The following ACBD6 variants were observed in gnomAD, a reference collection of about 807,000 sequenced individuals.
ACBD6 encodes the protein acyl-CoA binding domain containing 6, also known as acyl-CoA-binding domain-containing protein 6.
ACBD6 carries 28 observed loss-of-function variants against 37.2 expected under a neutral mutation model. The observed-to-expected ratio is 0.75, with a 90% CI of 0.56 to 1.03. The LOEUF (loss-of-function observed/expected upper bound fraction) is 1.03, where lower values mean the gene tolerates loss of function less well. Ranked by LOEUF, ACBD6 falls within the 50% of genes least tolerant of loss-of-function variation. ACBD6 has a pLI of 0.00. For missense variants in ACBD6, 340 were observed against 337.4 expected (o/e 1.01, Z -0.06); for synonymous variants, 113 against 126.8 (o/e 0.89, Z 0.73).
At chr1:180,292,816 G>A (rs182900533) in intron 7 of ACBD6, among the ~76,000 whole-genome samples, 172 of 152,312 alleles carry the variant, frequency 1.1e-3, no homozygotes, top group African/African-American at 4.1e-3. Context: ...TAGAGGGAAA[G>A]TGTTCAGCCT....
At chr1:180,452,150 G>A (rs1343818924) in intron 3 of ACBD6, among the ~76,000 whole-genome samples, 1 of 152,066 alleles carries the variant, frequency 6.6e-6, no homozygotes, top group Non-Finnish European at 1.5e-5. Flanking sequence ...GGAGAAAGCG[G>A]GTAAGATCTA....
rs559446132 is a variant in ACBD6 at position 180,378,395 on chromosome 1, T to C, written c.663+19121A>G. 2.0e-4 allele frequency among the ~76,000 whole-genome samples: 30 copies of C among 152,334 alleles called. No individual in the cohort carries two copies. The South Asian group carries it at 5.4e-3, about 27-fold the overall frequency. On this transcript the variant is annotated intron_variant, in intron 6 of 7. Coordinates refer to ENST00000367595, the MANE Select transcript of ACBD6 (RefSeq NM_032360.4). ...TAGGATCTTGGAACAGAAAACATTC[T>C]TGATATTAGTAGAAAAACTGTTGAA...
At chr1:180,461,267 T>C (rs989248372) in intron 3 of ACBD6, among the ~76,000 whole-genome samples, 9 of 152,148 alleles carry the variant, frequency 5.9e-5, no homozygotes, top group Non-Finnish European at 5.9e-5. Context: ...AGACCAAATC[T>C]ATGACTGACT....
chr1:180,364,760 G>A (rs1443284366), intron 6 of ACBD6, among the ~76,000 whole-genome samples: 1 of 144,912 alleles, frequency 6.9e-6, no homozygotes, highest in Non-Finnish European at 1.5e-5. Context: ...TTGAGATGGA[G>A]TCTTGCTCTG....
At chr1:180,305,925 A>T (rs1224441025) in intron 7 of ACBD6, among the ~76,000 whole-genome samples, 2 of 152,200 alleles carry the variant, frequency 1.3e-5, no homozygotes, top group Admixed American at 6.5e-5. Context: ...AGCCATAAAA[A>T]TGATGAGTTC....
At chr1:180,492,079 G>A (rs1164770652) in intron 3 of ACBD6, among the ~76,000 whole-genome samples, 190 bp downstream of exon 3, 2 of 152,128 alleles carry the variant, frequency 1.3e-5, no homozygotes, top group East Asian at 1.9e-4. Flanking sequence ...AGAGTGCTGG[G>A]ATTACAGGTA....
intron 6 of ACBD6, among the ~76,000 whole-genome samples, chr1:180,371,768 A>C (rs1653273948): frequency 1.3e-5 from 2 of 152,200 alleles, no homozygotes; most frequent in African/African-American, 4.8e-5. Flanking sequence ...TTTAGATATG[A>C]AGTGGAATCT....
At chr1:180,405,523 C>T (rs113555872) in intron 5 of ACBD6, among the ~76,000 whole-genome samples, 285 of 152,272 alleles carry the variant, frequency 1.9e-3, no homozygotes, top group African/African-American at 6.4e-3. Context: ...TGTATGAATG[C>T]TTTTGGGGGG....
At chr1:180,285,689 G>A (rs1015548487), downstream of ACBD6, among the ~76,000 whole-genome samples, 6 of 152,106 alleles carry the variant, frequency 3.9e-5, no homozygotes, top group African/African-American at 1.4e-4. Context: ...CAGAGATGCT[G>A]TAGTGTACAT....
intron 9 of ACBD6, among the ~76,000 whole-genome samples, chr1:180,279,759 T>G (rs1649252264): frequency 1.3e-5 from 2 of 152,274 alleles, no homozygotes; most frequent in Non-Finnish European, 2.9e-5. Context: ...AGGTTTGTTT[T>G]CTCTGCAGGA....
At chr1:180,270,885 T>C (rs1177134638) in exon 14 of ACBD6, 2 of 208,534 alleles carry the variant, frequency 9.6e-6, no homozygotes, top group Admixed American at 1.1e-4. Flanking sequence ...AGCTCACCCC[T>C]GGCTGTGAGC....
At chr1:180,288,126 T>C, downstream of ACBD6, 1 of 495,188 alleles carries the variant, frequency 2.0e-6, no homozygotes. Flanking sequence ...TTTCAGAGCA[T>C]GCTCAGCAGA....
intron 5 of ACBD6, among the ~76,000 whole-genome samples, chr1:180,401,561 A>T (rs1647361469): frequency 6.6e-6 from 1 of 151,948 alleles, no homozygotes; most frequent in East Asian, 1.9e-4. Flanking sequence ...AGGAGGGAAG[A>T]TCACCTGAGG....
chr1:180,430,099 A>G, intron 4 of ACBD6, 81 bp downstream of exon 4: 1 of 1,188,322 alleles, frequency 8.4e-7, no homozygotes, highest in Admixed American at 1.7e-5. Context: ...ACATATACAC[A>G]TACATAAGCA....
At chr1:180,426,542 C>T (rs1648588631) in intron 4 of ACBD6, among the ~76,000 whole-genome samples, 1 of 152,152 alleles carries the variant, frequency 6.6e-6, no homozygotes, top group African/African-American at 2.4e-5. Flanking sequence ...AGATTTGTTA[C>T]TCTCGTTTCT....
At chr1:180,457,883 C>A (rs61811613) in intron 3 of ACBD6, among the ~76,000 whole-genome samples, 3,146 of 151,664 alleles carry the variant, frequency 0.021, 51 homozygotes, top group Non-Finnish European at 0.026. Flanking sequence ...ACATTCACCT[C>A]CCAGGTTCAA....
chr1:180,295,379 G>A (rs990790058), intron 7 of ACBD6, among the ~76,000 whole-genome samples: 4 of 151,586 alleles, frequency 2.6e-5, no homozygotes, highest in African/African-American at 7.3e-5. Context: ...TGGCTTAAGC[G>A]ATTCTCCTGC....
In ACBD6 at chr1:180,502,525, C is replaced by T. The variant is rs1371278252; in HGVS notation, c.-259G>A. ...CCTCCGGCTTCCCTCCGGCCAACAG[C>T]GCGCTCAGGCTCGCCTCAGGCCCCT... On this transcript the variant is annotated 5_prime_UTR_variant, in exon 1 of 8. Transcript: ENST00000367595. The T allele has an allele frequency of 1.9e-6, 1 of 526,834 alleles. No homozygotes were observed. The highest frequency in any genetic ancestry group is 3.5e-6 in the Non-Finnish European group (1 of 289,642). The allele number at this position is 526,834 out of a possible 1,614,324, so 32.6% of individuals were successfully genotyped here.
intron 4 of ACBD6, among the ~76,000 whole-genome samples, chr1:180,421,526 T>C (rs180798003): frequency 4.6e-5 from 7 of 152,324 alleles, no homozygotes; most frequent in African/African-American, 1.7e-4. Context: ...AGTAAAGGGA[T>C]TGCTGAGTCA....
Sources: gnomAD v4.1 joint callset for allele counts (sites outside exome capture counted in the v4.1 genomes callset) on GRCh38, gnomAD v4.1.1 for gene constraint, MANE v1.5 for transcripts, NCBI Gene and HGNC (gene_info 2026-07-23, HGNC 2026-07-21) for gene names.